Variants in CBLN2 observed in about 807,000 individuals in gnomAD.
CBLN2 encodes the protein cerebellin 2 precursor, also known as cerebellin-2.
In CBLN2, 7 loss-of-function variants were observed where a neutral mutation model predicts 15.0. That is an observed-to-expected ratio of 0.47 (90% CI 0.27 to 0.88). The LOEUF is 0.88. Ranked by LOEUF, CBLN2 falls within the 40% of genes least tolerant of loss-of-function variation. CBLN2 has a pLI of 0.14. For missense variants in CBLN2, 242 were observed against 304.5 expected, an observed-to-expected ratio of 0.79 and a Z score of 1.53; for synonymous variants, 149 against 135.2, an observed-to-expected ratio of 1.10 and a Z score of -0.71.
At chr18:72,587,814 T>A (rs2069453702) in intron 1 of CBLN2, among the ~76,000 whole-genome samples, 1 of 152,180 alleles carries the variant, frequency 6.6e-6, no homozygotes, top group South Asian at 2.1e-4. Context: ...AAGTGCAAAC[T>A]TCTACTTCTG....
At chr18:72,577,570 A>G (rs1279981860) in intron 1 of CBLN2, among the ~76,000 whole-genome samples, 1 of 152,202 alleles carries the variant, frequency 6.6e-6, no homozygotes, top group Non-Finnish European at 1.5e-5. Context: ...AAATGACTCC[A>G]TCCTATCTTG....
upstream of CBLN2, chr18:72,544,575 T>C (rs1568250970): frequency 6.6e-6 from 1 of 152,226 alleles, no homozygotes. Flanking sequence ...GGTTTGCTGA[T>C]GGTCTTCTTT....
chr18:72,620,401 A>T (rs2069692567), intron 1 of CBLN2: 2 of 152,236 alleles, frequency 1.3e-5, no homozygotes, highest in Admixed American at 1.3e-4. Flanking sequence ...GGGGAGCTGG[A>T]AAGGAAATGG....
In CBLN2 at chr18:72,576,547, C is replaced by T. The variant is rs531280244; in HGVS notation, c.16-37775G>A. On this transcript the variant is annotated intron_variant, in intron 1 of 2. Coordinates refer to the CBLN2 transcript ENST00000581073. ...TAAAACTTATAAATGTTTTATAATA[C>T]GTACTCTCAATGCTATTATAACATT... is the stretch of plus-strand genomic sequence containing the variant. 1.3e-4 allele frequency among the ~76,000 whole-genome samples: 20 copies of T among 152,180 alleles called. No individual in the cohort carries two copies. In the East Asian group the frequency reaches 3.3e-3, roughly 25 times the overall value.
intron 1 of CBLN2, among the ~76,000 whole-genome samples, chr18:72,594,491 A>T (rs754023104): frequency 2.7e-5 from 4 of 149,436 alleles, no homozygotes; most frequent in Admixed American, 6.6e-5. Flanking sequence ...TCAAGGTTAT[A>T]CTGTCCTTGC....
chr18:72,606,373 C>G (rs753296466), intron 1 of CBLN2, among the ~76,000 whole-genome samples: 3 of 152,098 alleles, frequency 2.0e-5, no homozygotes, highest in Non-Finnish European at 4.4e-5. Flanking sequence ...AATCGTTTTC[C>G]TGTATAAGAA....
Position 72,561,033 on chromosome 18 carries a change from A to T in CBLN2, c.16-22261T>A, listed in dbSNP as rs566386038. Among the ~76,000 whole-genome samples the T allele has an allele frequency of 6.6e-5, 10 of 152,258 alleles. No homozygotes were observed. The South Asian group carries it at 1.2e-3, about 19-fold the overall frequency. ...CAAAAAAAATAAAGAAAGAAAAATA[A>T]AAATAAATAAATCAAATGACTGTGA... is the stretch of plus-strand genomic sequence containing the variant. On this transcript the variant is annotated intron_variant, in intron 1 of 2. Coordinates refer to the CBLN2 transcript ENST00000581073.
At chr18:72,593,476 C>T (rs549648472) in intron 1 of CBLN2, among the ~76,000 whole-genome samples, 1 of 152,200 alleles carries the variant, frequency 6.6e-6, no homozygotes, top group African/African-American at 2.4e-5. Flanking sequence ...TTGACTTCTT[C>T]CTTTCCAGTT....
At chr18:72,616,810 G>C (rs537741295) in intron 1 of CBLN2, among the ~76,000 whole-genome samples, 1 of 151,990 alleles carries the variant, frequency 6.6e-6, no homozygotes, top group South Asian at 2.1e-4. Context: ...AGAGCAATTC[G>C]TCTTGTGTTT....
intron 1 of CBLN2, among the ~76,000 whole-genome samples, chr18:72,549,784 T>A (rs918438973): frequency 3.3e-5 from 5 of 152,108 alleles, no homozygotes. Flanking sequence ...TAGGGGATTT[T>A]ATCATCCTGT....
chr18:72,605,921 G>A (rs2069580680), intron 1 of CBLN2, among the ~76,000 whole-genome samples: 1 of 151,356 alleles, frequency 6.6e-6, no homozygotes, highest in African/African-American at 2.4e-5. Context: ...AATGGCACCT[G>A]TGTGACTGTA....
At chr18:72,539,334 G>A (rs565962015) in intron 3 of CBLN2, 2 of 152,950 alleles carry the variant, frequency 1.3e-5, no homozygotes, top group African/African-American at 2.4e-5. Context: ...TCTCTGTGAG[G>A]TTTGGATCTC....
Position 72,538,376 on chromosome 18 carries a change from A to G in CBLN2, c.478-3T>C. On this transcript the variant is annotated splice_polypyrimidine_tract_variant and splice_region_variant and intron_variant, in intron 4 of 4. Transcript: ENST00000269503. ...TAGCCATTCTGCATTAAACTGACCT[A>G]AAATGCAGAGAGTAGAGCTCAGCAG... 2 of 1,614,016 alleles carry G rather than the reference A, an allele frequency of 1.2e-6. No individual in the cohort carries two copies. The highest frequency in any genetic ancestry group is 1.7e-6 in the Non-Finnish European group (2 of 1,179,938).
At chr18:72,625,814 C>CTATATATATA (rs1250960600) in intron 1 of CBLN2, among the ~76,000 whole-genome samples, 13 of 66,598 alleles carry the variant, frequency 2.0e-4, no homozygotes, top group African/African-American at 3.4e-4. Flanking sequence ...CTCTCTCTCT[C>CTATATATATA]TCTCTATATA....
At chr18:72,564,507 G>A (rs1425210320) in intron 1 of CBLN2, among the ~76,000 whole-genome samples, 1 of 152,028 alleles carries the variant, frequency 6.6e-6, no homozygotes, top group Non-Finnish European at 1.5e-5. Context: ...TAGTCAGATA[G>A]TCAGAGATAC....
chr18:72,581,249 C>T (rs2069401851), intron 1 of CBLN2, among the ~76,000 whole-genome samples: 1 of 152,088 alleles, frequency 6.6e-6, no homozygotes, highest in African/African-American at 2.4e-5. Context: ...TAATTGTATA[C>T]CTTGAGGAAT....
At chr18:72,577,265 A>T (rs1370670452) in intron 1 of CBLN2, among the ~76,000 whole-genome samples, 5 of 151,748 alleles carry the variant, frequency 3.3e-5, no homozygotes, top group African/African-American at 9.7e-5. Flanking sequence ...CTTATATATA[A>T]TTTTTCTTTT....
At chr18:72,552,270 G>C (rs1236129143) in intron 1 of CBLN2, among the ~76,000 whole-genome samples, 1 of 151,892 alleles carries the variant, frequency 6.6e-6, no homozygotes, top group East Asian at 1.9e-4. Flanking sequence ...TTTTAGTAGA[G>C]ACAGGGTTTA....
Position 72,636,474 on chromosome 18 carries a change from A to G in CBLN2, c.15+1851T>C, listed in dbSNP as rs75410727. Among the ~76,000 whole-genome samples, 764 of 152,254 alleles carry G rather than the reference A, an allele frequency of 5.0e-3. 4 individuals are homozygous for G. Among genetic ancestry groups the G allele is most frequent in the Non-Finnish European group, 7.8e-3 (530 of 67,998 alleles). On this transcript the variant is annotated intron_variant, in intron 1 of 2. Coordinates refer to the CBLN2 transcript ENST00000581073. Reference sequence around the variant, plus strand: ...CCCTGCATGAAAAGCATCCAGGGTGAGGGATGGTTGTATCTTTATCAAATT... The same window carrying G: ...CCCTGCATGAAAAGCATCCAGGGTGGGGGATGGTTGTATCTTTATCAAATT...
Sources: gnomAD v4.1 joint callset for allele counts (sites outside exome capture counted in the v4.1 genomes callset) on GRCh38, gnomAD v4.1.1 for gene constraint, MANE v1.5 for transcripts, NCBI Gene and HGNC (gene_info 2026-07-23, HGNC 2026-07-21) for gene names.